The following NEK7 variants were observed in gnomAD, a reference collection of about 807,000 sequenced individuals.
NEK7 encodes NIMA related kinase 7.
Under a neutral mutation model 44.6 loss-of-function variants are expected in NEK7, and 18 were observed. The ratio of observed to expected loss-of-function variants is 0.40; its 90% CI spans 0.28 to 0.60. The LOEUF (loss-of-function observed/expected upper bound fraction) is 0.60, where lower values mean the gene tolerates loss of function less well. Ranked by LOEUF, NEK7 falls within the 20% of genes least tolerant of loss-of-function variation. NEK7 has a pLI of 0.38. For missense variants in NEK7, 256 were observed against 366.5 expected (o/e 0.70, Z 2.46); for synonymous variants, 130 against 121.1 (o/e 1.07, Z -0.48).
chr1:198,216,573 C>T (rs1208531462), intron 1 of NEK7, among the ~76,000 whole-genome samples: 2 of 151,416 alleles, frequency 1.3e-5, no homozygotes, highest in African/African-American at 4.9e-5. Context: ...AAAGAAGTAA[C>T]GAAGATCAGG....
Position 198,264,251 on chromosome 1 carries a change from A to G in NEK7, c.372+16A>G, listed in dbSNP as rs368887107. ...AATGATCAAGGTAAGTTTTGAAAAA[A>G]TTGTCTTAATGTTTTGTTTTGTTTT... On this transcript the variant is annotated intron_variant, in intron 5 of 9. Coordinates refer to ENST00000367385, the MANE Select transcript of NEK7 (RefSeq NM_133494.3). The G allele has an allele frequency of 6.5e-7, 1 of 1,549,448 alleles. No homozygotes were observed. The highest frequency in any genetic ancestry group is 1.4e-5 in the African/African-American group (1 of 72,104).
At chr1:198,185,319 G>A (rs558387192) in intron 1 of NEK7, among the ~76,000 whole-genome samples, 22 of 150,510 alleles carry the variant, frequency 1.5e-4, no homozygotes, top group South Asian at 1.3e-3. Flanking sequence ...AGATATTTGC[G>A]TTTTTAAAGA....
chr1:198,157,392 A>C (rs1663930222), intron 1 of NEK7, 116 bp downstream of exon 1: 1 of 152,160 alleles, frequency 6.6e-6, no homozygotes. Flanking sequence ...GGCCTCCGGG[A>C]TACCCTCGCT....
At chr1:198,286,049 A>C (rs1473961674) in intron 7 of NEK7, among the ~76,000 whole-genome samples, 1 of 152,160 alleles carries the variant, frequency 6.6e-6, no homozygotes, top group Non-Finnish European at 1.5e-5. Flanking sequence ...TCTCTGGATC[A>C]ATAAATCTGC....
intron 9 of NEK7, among the ~76,000 whole-genome samples, chr1:198,309,015 G>A (rs1249619202): frequency 1.3e-5 from 2 of 152,128 alleles, no homozygotes; most frequent in African/African-American, 4.8e-5. Flanking sequence ...AGATCTTGCA[G>A]TTTAATAGAA....
At chr1:198,290,511 C>G (rs972242862) in intron 7 of NEK7, among the ~76,000 whole-genome samples, 3 of 152,160 alleles carry the variant, frequency 2.0e-5, no homozygotes, top group Non-Finnish European at 2.9e-5. Flanking sequence ...CGTGATGGGG[C>G]TGAACCTCTT....
intron 1 of NEK7, among the ~76,000 whole-genome samples, chr1:198,196,637 C>A (rs10922374): frequency 0.17 from 25,453 of 152,156 alleles, 2,723 homozygotes; most frequent in East Asian, 0.58. Flanking sequence ...AACTTTTTCT[C>A]ATAAAGAAAA....
intron 7 of NEK7, among the ~76,000 whole-genome samples, chr1:198,292,389 T>C (rs1391677734): frequency 6.6e-6 from 1 of 152,052 alleles, no homozygotes; most frequent in Non-Finnish European, 1.5e-5. Flanking sequence ...TGTTATTATA[T>C]AATCCTTTGA....
chr1:198,309,185 C>A (rs1458353916), intron 9 of NEK7, among the ~76,000 whole-genome samples: 1 of 152,094 alleles, frequency 6.6e-6, no homozygotes, highest in Non-Finnish European at 1.5e-5. Flanking sequence ...TGAGCAGATG[C>A]ATGGGTAAGG....
chr1:198,174,958 G>C (rs1664563895), intron 1 of NEK7, among the ~76,000 whole-genome samples: 3 of 152,060 alleles, frequency 2.0e-5, no homozygotes, highest in Admixed American at 2.0e-4. Flanking sequence ...GGGTCTCATT[G>C]TGTTGTTTAG....
chr1:198,290,824 A>C (rs557687062), intron 7 of NEK7, among the ~76,000 whole-genome samples: 1 of 152,350 alleles, frequency 6.6e-6, no homozygotes, highest in African/African-American at 2.4e-5. Context: ...TGTTATTTAT[A>C]TTAAGAATCA....
At chr1:198,188,113 T>G (rs1664972839) in intron 1 of NEK7, among the ~76,000 whole-genome samples, 1 of 152,218 alleles carries the variant, frequency 6.6e-6, no homozygotes, top group African/African-American at 2.4e-5. Flanking sequence ...TTAATAGTCA[T>G]AGTGACATTG....
chr1:198,312,121 T>C (rs1655206153), intron 9 of NEK7, among the ~76,000 whole-genome samples: 1 of 152,288 alleles, frequency 6.6e-6, no homozygotes, highest in South Asian at 2.1e-4. Context: ...TCAGCTCCTG[T>C]TATTGGTTTA....
At chr1:198,245,444 C>T (rs138227778) in intron 2 of NEK7, 2,215 of 166,526 alleles carry the variant, frequency 0.013, 14 homozygotes, top group Non-Finnish European at 0.022. Context: ...GCTGCCTGAG[C>T]GAGCTGAAGA....
At chr1:198,283,721 ACTTTCTTAAG>A (rs373979813) in intron 7 of NEK7, among the ~76,000 whole-genome samples, 35 of 152,226 alleles carry the variant, frequency 2.3e-4, no homozygotes, top group African/African-American at 8.4e-4. Flanking sequence ...TGAGGGCACA[ACTTTCTTAAG>A]CTTTCTAATA....
chr1:198,190,234 A>T (rs185765906), intron 1 of NEK7, among the ~76,000 whole-genome samples: 1 of 152,174 alleles, frequency 6.6e-6, no homozygotes, highest in East Asian at 1.9e-4. Context: ...TAAAGCATTC[A>T]TCTGGGAACA....
intron 1 of NEK7, chr1:198,208,580 G>A (rs969734506): frequency 6.6e-6 from 1 of 152,082 alleles, no homozygotes; most frequent in Non-Finnish European, 1.5e-5. Context: ...GTCTCCCTAT[G>A]TCGCCCAGGT....
At chr1:198,252,566 A>ATATG (rs1349132226) in intron 2 of NEK7, among the ~76,000 whole-genome samples, 2 of 52,498 alleles carry the variant, frequency 3.8e-5, no homozygotes, top group Non-Finnish European at 6.1e-5. Context: ...ATATATATAT[A>ATATG]TAAAAAGTAC....
chr1:198,281,670 T>G (rs1305544537), intron 7 of NEK7, among the ~76,000 whole-genome samples: 2 of 152,100 alleles, frequency 1.3e-5, no homozygotes, highest in Non-Finnish European at 2.9e-5. Flanking sequence ...TACATTTTTG[T>G]TGAAAAATCA....
Sources: gnomAD v4.1 joint callset for allele counts (sites outside exome capture counted in the v4.1 genomes callset) on GRCh38, gnomAD v4.1.1 for gene constraint, MANE v1.5 for transcripts, NCBI Gene and HGNC (gene_info 2026-07-23, HGNC 2026-07-21) for gene names.